The following CEP72 variants were observed in gnomAD, a reference collection of about 807,000 sequenced individuals.
The protein encoded by CEP72 is centrosomal protein of 72 kDa.
In CEP72, 78 loss-of-function variants were observed where a neutral mutation model predicts 65.7. The observed-to-expected ratio is 1.19, with a 90% CI of 0.99 to 1.43. CEP72 has a LOEUF of 1.43. Among genes scored for constraint, CEP72 ranks in the 40% most tolerant of loss-of-function variants. CEP72 has a pLI of 0.00. For missense variants in CEP72, 914 were observed against 832.9 expected (o/e 1.10, Z -1.20); for synonymous variants, 358 against 351.7 (o/e 1.02, Z -0.20).
rs1053028859 is a variant in CEP72 at position 624,802 on chromosome 5, A to T, written c.512+223A>T. On this transcript the variant is annotated intron_variant, in intron 4 of 11. Coordinates refer to ENST00000264935, the MANE Select transcript of CEP72 (RefSeq NM_018140.4). This position sits in a 1 kb window ranked among gnomAD's most constrained non-coding sequence, Gnocchi z 4.7. ...GTTATTTTTAATATCGAAACTGTTG[A>T]TTAAGGTAATATGTGTAAAATCAAC... is the stretch of plus-strand genomic sequence containing the variant. Among the ~76,000 whole-genome samples, 2 of 152,148 alleles carry T rather than the reference A, an allele frequency of 1.3e-5. No individual in the cohort carries two copies. The highest frequency in any genetic ancestry group is 2.9e-5 in the Non-Finnish European group (2 of 68,024).
the CEP72 span, among the ~76,000 whole-genome samples, chr5:675,189 G>C: frequency 9.5e-6 from 1 of 105,500 alleles, no homozygotes; most frequent in African/African-American, 3.2e-5. Context: ...GGAGGGTACG[G>C]TGTGGCCAGG....
rs149292129 is a variant in CEP72 at position 635,529 on chromosome 5, G to A, written c.849G>A (p.Ala283=). 2.0e-5 allele frequency: 33 copies of A among 1,613,814 alleles called. No homozygotes were observed. The highest frequency in any genetic ancestry group is 1.6e-4 in the Middle Eastern group (1 of 6,070). Reference sequence around the variant, plus strand: ...GAGAGCTTCCGCCACTGTACGGAGCGGAGCCAGAGGCCTCCCGTGCCCCCA... The same window carrying A: ...GAGAGCTTCCGCCACTGTACGGAGCAGAGCCAGAGGCCTCCCGTGCCCCCA... ...LCGELPPLYG[A]EPEASRAPRP... The change falls in exon 6 of 12, where the codon GCG becomes GCA. Residue 283 remains alanine, a synonymous_variant. Transcript: ENST00000264935.
chr5:617,648 T>G (rs1222709041), intron 1 of CEP72, among the ~76,000 whole-genome samples: 1 of 152,208 alleles, frequency 6.6e-6, no homozygotes, highest in East Asian at 1.9e-4. Flanking sequence ...CCAGGCAGCA[T>G]CCTGCTGTTT....
exon 4 of CEP72, chr5:666,080 C>T: frequency 6.2e-7 from 1 of 1,612,404 alleles, no homozygotes; most frequent in Non-Finnish European, 8.5e-7. Context: ...TCCTCCAGCG[C>T]CTCCTGGAAC....
chr5:628,702 TCCC>T (rs1736964229), intron 4 of CEP72, among the ~76,000 whole-genome samples: 2 of 58,310 alleles, frequency 3.4e-5, no homozygotes, highest in African/African-American at 9.3e-5. Context: ...CGGGGAGTGT[TCCC>T]AGGACCCAGC....
At chr5:635,756 T>C (rs1472377680) in intron 6 of CEP72, among the ~76,000 whole-genome samples, 172 bp downstream of exon 6, 1 of 152,252 alleles carries the variant, frequency 6.6e-6, no homozygotes, top group Non-Finnish European at 1.5e-5. Context: ...AGAAGCATGG[T>C]GCAGGCAGAA....
downstream of CEP72, among the ~76,000 whole-genome samples, chr5:669,310 C>A (rs1416396301): frequency 6.6e-6 from 1 of 151,576 alleles, no homozygotes; most frequent in Admixed American, 6.5e-5. Context: ...CTGGGCAGCT[C>A]TGTGGCGTGG....
exon 4 of CEP72, chr5:666,008 G>T: frequency 6.2e-7 from 1 of 1,601,916 alleles, no homozygotes. Flanking sequence ...CCCTCGATGA[G>T]CCTGTGCACC....
At position 624,391 on chromosome 5, in the gene CEP72, G is replaced by T. The variant is rs1192226337; in HGVS notation, c.404-80G>T. On this transcript the variant is annotated intron_variant, in intron 3 of 11. Transcript: ENST00000264935. This position sits in a 1 kb window ranked among gnomAD's most constrained non-coding sequence, Gnocchi z 4.7. The stretch of plus-strand genomic sequence containing the variant: ...CTGGCCCCGAGGGGATGGACACCCT[G>T]CCCCGTGTAGATGCCCCAGGGTGGA... 3 of 956,790 alleles carry T rather than the reference G, an allele frequency of 3.1e-6. No homozygotes were observed. Among genetic ancestry groups the T allele is most frequent in the South Asian group, 1.3e-5 (1 of 74,518 alleles). The allele number at this position is 956,790 out of a possible 1,614,324, so 59.3% of individuals were successfully genotyped here. A position where few individuals can be genotyped will look rare whatever the true frequency, so the allele number is the denominator to read the frequency against.
chr5:640,008 T>C (rs1442876320), intron 8 of CEP72, among the ~76,000 whole-genome samples: 1 of 152,202 alleles, frequency 6.6e-6, no homozygotes, highest in African/African-American at 2.4e-5. Context: ...CCTCCTGAGC[T>C]TGCCATCGTC....
chr5:668,206 CCGACAAGCACACAGAGAGGGGGCCG>C (rs1740018089), downstream of CEP72, among the ~76,000 whole-genome samples: 2 of 116,572 alleles, frequency 1.7e-5, no homozygotes, highest in African/African-American at 3.3e-5. Flanking sequence ...CAGGGAAGTA[CCGACAAGCACACAGAGAGGGGGCCG>C]TGTGGGCGCC....
intron 9 of CEP72, chr5:641,640 T>G (rs1407065136): frequency 1.0e-6 from 1 of 976,454 alleles, no homozygotes; most frequent in Non-Finnish European, 1.2e-6. Flanking sequence ...TTTAAACACA[T>G]GTGGGCCTCC....
At chr5:667,601 A>G (rs1739974898), downstream of CEP72, among the ~76,000 whole-genome samples, 1 of 152,198 alleles carries the variant, frequency 6.6e-6, no homozygotes, top group African/African-American at 2.4e-5. Flanking sequence ...CTCTCAGAAG[A>G]CACCGTTAAG....
downstream of CEP72, among the ~76,000 whole-genome samples, chr5:669,729 C>T (rs537832183): frequency 7.2e-5 from 11 of 152,206 alleles, no homozygotes; most frequent in East Asian, 1.4e-3. Flanking sequence ...CTGCGCGCTC[C>T]CCGAGTGTCT....
downstream of CEP72, among the ~76,000 whole-genome samples, chr5:658,345 G>A (rs1411079063): frequency 3.9e-5 from 6 of 152,214 alleles, no homozygotes; most frequent in African/African-American, 9.6e-5. Flanking sequence ...GAGGCCTCCC[G>A]GCCTCCTCCC....
At chr5:654,350 C>A (rs1173873131), downstream of CEP72, among the ~76,000 whole-genome samples, 1 of 135,626 alleles carries the variant, frequency 7.4e-6, no homozygotes, top group Non-Finnish European at 1.6e-5. Context: ...TGCGCGCACG[C>A]ACCCTGTGTG....
chr5:633,645 G>A, intron 4 of CEP72, 124 bp from the exon 5 acceptor site: 1 of 876,234 alleles, frequency 1.1e-6, no homozygotes, highest in Non-Finnish European at 1.8e-6. Context: ...GGACCCGGCT[G>A]CCCCACGTTT....
At chr5:612,468 GCAAGCGTGA>G in intron 1 of CEP72, 25 bp downstream of exon 1, 1 of 1,151,620 alleles carries the variant, frequency 8.7e-7, no homozygotes, top group Admixed American at 2.8e-5. Flanking sequence ...GGGCGGGGGT[GCAAGCGTGA>G]GGTGGCGGGG....
intron 11 of CEP72, among the ~76,000 whole-genome samples, chr5:648,794 C>T (rs1401229951): frequency 1.9e-4 from 18 of 96,718 alleles, no homozygotes; most frequent in African/African-American, 5.9e-4. Context: ...TGAGGTGTGA[C>T]TGTGAGGCGT....
Sources: allele counts gnomAD v4.1 joint callset (sites outside exome capture counted in the v4.1 genomes callset), GRCh38; gene constraint gnomAD v4.1.1; non-coding constraint Gnocchi (gnomAD v3.1); transcripts MANE v1.5; gene names NCBI Gene and HGNC (gene_info 2026-07-23, HGNC 2026-07-21).